SGCZ: variants seen among roughly 807,000 people sequenced by gnomAD.
SGCZ encodes sarcoglycan zeta, also known as zeta-sarcoglycan.
SGCZ carries 40 observed loss-of-function variants against 41.3 expected under a neutral mutation model. The observed-to-expected ratio is 0.97, with a 90% CI of 0.75 to 1.26. The LOEUF is 1.26. Among genes scored for constraint, SGCZ ranks in the 50% most tolerant of loss-of-function variants. The probability of loss-of-function intolerance (pLI) is 0.00; values close to 1 mark genes in which losing one functional copy is unlikely to be tolerated. For missense variants in SGCZ, 552 were observed against 369.8 expected, an observed-to-expected ratio of 1.49 and a Z score of -4.04; for synonymous variants, 206 against 137.5, an observed-to-expected ratio of 1.50 and a Z score of -3.49.
In SGCZ at chr8:14,975,285, G is replaced by A. The variant is rs35454702; in HGVS notation, c.39+262300C>T. Among the ~76,000 whole-genome samples, 508 of 152,146 alleles carry A rather than the reference G, an allele frequency of 3.3e-3. 2 individuals are homozygous for A. Among genetic ancestry groups the A allele is most frequent in the Non-Finnish European group, 6.1e-3 (412 of 68,002 alleles). On this transcript the variant is annotated intron_variant, in intron 1 of 7. Coordinates refer to ENST00000382080, the MANE Select transcript of SGCZ (RefSeq NM_139167.4). ...CGCACCACTGCACTCCAGCCTGGGC[G>A]ACAGAGCAAAACTCCAACTCAAAAG...
At chr8:15,090,851 G>A (rs1806131479) in intron 1 of SGCZ, among the ~76,000 whole-genome samples, 2 of 152,150 alleles carry the variant, frequency 1.3e-5, no homozygotes, top group Non-Finnish European at 2.9e-5. Context: ...TAAGCGGCTA[G>A]AAAATTAAAA....
intron 1 of SGCZ, among the ~76,000 whole-genome samples, chr8:14,887,143 A>G (rs762541431): frequency 1.3e-5 from 2 of 152,170 alleles, no homozygotes; most frequent in Non-Finnish European, 2.9e-5. Flanking sequence ...TGCCAAACAG[A>G]CAGACAAATA....
At chr8:14,455,335 T>A (rs779849681) in intron 2 of SGCZ, among the ~76,000 whole-genome samples, 6 of 152,082 alleles carry the variant, frequency 3.9e-5, no homozygotes, top group Admixed American at 6.6e-5. Flanking sequence ...GTTTTCTATT[T>A]ATTATATAGG....
intron 2 of SGCZ, among the ~76,000 whole-genome samples, chr8:14,448,399 G>A (rs1800496191): frequency 6.6e-6 from 1 of 152,168 alleles, no homozygotes; most frequent in Non-Finnish European, 1.5e-5. Flanking sequence ...TGGGCCTCAT[G>A]CACCAGTTAG....
chr8:14,995,411 G>C (rs983004315), intron 1 of SGCZ, among the ~76,000 whole-genome samples: 2 of 152,194 alleles, frequency 1.3e-5, no homozygotes, highest in African/African-American at 4.8e-5. Flanking sequence ...ATAGGGATGG[G>C]TTCAAGGAGT....
chr8:15,144,613 C>T (rs1016410376), intron 1 of SGCZ, among the ~76,000 whole-genome samples: 11 of 152,150 alleles, frequency 7.2e-5, no homozygotes, highest in Admixed American at 4.6e-4. Context: ...AGGCACATGC[C>T]GCCACACCCA....
At chr8:14,500,376 A>T (rs1802115681) in intron 2 of SGCZ, among the ~76,000 whole-genome samples, 1 of 151,988 alleles carries the variant, frequency 6.6e-6, no homozygotes, top group South Asian at 2.1e-4. Context: ...CAGAGCAAAT[A>T]AGCAACAAGG....
At chr8:14,247,153 G>A (rs1239148467) in intron 3 of SGCZ, among the ~76,000 whole-genome samples, 2 of 152,074 alleles carry the variant, frequency 1.3e-5, no homozygotes, top group Non-Finnish European at 2.9e-5. Context: ...TTTCTACTCT[G>A]ATACTTTTAT....
intron 3 of SGCZ, among the ~76,000 whole-genome samples, chr8:14,282,196 C>T (rs1170753283): frequency 6.6e-6 from 1 of 151,970 alleles, no homozygotes; most frequent in Non-Finnish European, 1.5e-5. Context: ...TTCTTCTTTG[C>T]CTTAATAGAC....
At chr8:14,522,790 T>A (rs767526632) in intron 2 of SGCZ, among the ~76,000 whole-genome samples, 1 of 151,890 alleles carries the variant, frequency 6.6e-6, no homozygotes, top group African/African-American at 2.4e-5. Context: ...CCTCTTCATT[T>A]CTAGAATCCT....
chr8:14,951,300 A>T (rs1002114652), intron 1 of SGCZ, among the ~76,000 whole-genome samples: 3 of 152,068 alleles, frequency 2.0e-5, no homozygotes, highest in Admixed American at 2.0e-4. Flanking sequence ...CATTAAGAAC[A>T]TTCTAAAATT....
chr8:14,817,761 G>C (rs4348490), intron 1 of SGCZ, among the ~76,000 whole-genome samples: 11 of 152,138 alleles, frequency 7.2e-5, no homozygotes, highest in East Asian at 3.9e-4. Flanking sequence ...GCCCATGTGC[G>C]CTCATTGTTG....
chr8:15,123,564 G>T (rs1261246458), intron 1 of SGCZ, among the ~76,000 whole-genome samples: 1 of 152,130 alleles, frequency 6.6e-6, no homozygotes, highest in Non-Finnish European at 1.5e-5. Flanking sequence ...ATTACGATTT[G>T]ATCAAGCCTT....
At chr8:14,670,641 C>T (rs983094457) in intron 1 of SGCZ, among the ~76,000 whole-genome samples, 1 of 152,108 alleles carries the variant, frequency 6.6e-6, no homozygotes, top group South Asian at 2.1e-4. Flanking sequence ...TAAATTGGAA[C>T]ACAATGTATA....
At chr8:14,486,952 G>C (rs1801692412) in intron 2 of SGCZ, among the ~76,000 whole-genome samples, 1 of 152,128 alleles carries the variant, frequency 6.6e-6, no homozygotes, top group Non-Finnish European at 1.5e-5. Flanking sequence ...GTAGAGCATG[G>C]AATGAAGCAG....
At chr8:14,796,157 T>G (rs755728846) in intron 1 of SGCZ, among the ~76,000 whole-genome samples, 1 of 152,252 alleles carries the variant, frequency 6.6e-6, no homozygotes, top group African/African-American at 2.4e-5. Context: ...GTCTTTATAA[T>G]AGAAGGGTTT....
chr8:15,006,253 T>C (rs1339165678), intron 1 of SGCZ, among the ~76,000 whole-genome samples: 5 of 152,214 alleles, frequency 3.3e-5, no homozygotes, highest in Non-Finnish European at 7.3e-5. Context: ...CAGAACGGAA[T>C]AGCAATGGCC....
At chr8:14,545,164 G>A (rs1366184360) in intron 2 of SGCZ, among the ~76,000 whole-genome samples, 3 of 152,018 alleles carry the variant, frequency 2.0e-5, no homozygotes, top group African/African-American at 7.2e-5. Context: ...TTGGGGGCAT[G>A]TCCCCCAATA....
intron 1 of SGCZ, among the ~76,000 whole-genome samples, chr8:14,559,414 A>G (rs1025839558): frequency 2.0e-5 from 3 of 152,150 alleles, no homozygotes; most frequent in African/African-American, 7.2e-5. Flanking sequence ...ACTTAGAAAT[A>G]TACCTAACCA....
Sources: gnomAD v4.1 joint callset for allele counts (sites outside exome capture counted in the v4.1 genomes callset) on GRCh38, gnomAD v4.1.1 for gene constraint, MANE v1.5 for transcripts, NCBI Gene and HGNC (gene_info 2026-07-23, HGNC 2026-07-21) for gene names.